The following EPB41 variants were observed in gnomAD, a reference collection of about 807,000 sequenced individuals.
EPB41 encodes erythrocyte membrane protein band 4.1.
A neutral mutation model predicts 108.0 loss-of-function variants in EPB41; 65 were observed. The ratio of observed to expected loss-of-function variants is 0.60; its 90% confidence interval spans 0.49 to 0.74. EPB41 has a LOEUF of 0.74. EPB41 is among the 30% of genes least tolerant of loss of function. EPB41 has a pLI of 0.00. For synonymous variants in EPB41, 336 were observed against 358.9 expected (o/e 0.94, Z 0.72); for missense variants, 875 against 1,037.0 (o/e 0.84, Z 2.15).
At chr1:29,079,140 C>T (rs967170431) in intron 16 of EPB41, among the ~76,000 whole-genome samples, 6 of 151,782 alleles carry the variant, frequency 4.0e-5, no homozygotes, top group African/African-American at 9.7e-5. Flanking sequence ...GTATTACAGG[C>T]GCCTGCCACC....
At position 28,947,408 on chromosome 1, in the gene EPB41, GACAAACAAACAAACAA is replaced by G. The variant is rs61120635; in HGVS notation, c.-8+32667_-8+32682del. Among the ~76,000 whole-genome samples, 1,235 of 149,736 alleles carry G rather than the reference GACAAACAAACAAACAA, an allele frequency of 8.2e-3. 10 individuals are homozygous for G. Among genetic ancestry groups the G allele is most frequent in the Middle Eastern group, 0.017 (5 of 290 alleles). The stretch of plus-strand genomic sequence containing the variant: ...GGCGACGGAGCGAGACTCCGTCTCA[GACAAACAAACAAACAA>G]ACAAACAAACAAACAAACAAACAAA... On this transcript the variant is annotated intron_variant, in intron 1 of 20. Coordinates refer to ENST00000343067, the MANE Select transcript of EPB41 (RefSeq NM_001376013.1).
In EPB41 at chr1:28,887,303, C is replaced by G. The variant is rs1056538787; in HGVS notation, c.-8+93C>G. ...CTACCCCCAAGGGCTCGGACCGTCC[C>G]GGGAGAGGCGAGACCAGGGTCGAAG... On this transcript the variant is annotated intron_variant, in intron 1 of 16. Transcript: ENST00000347529. The surrounding 1 kb of genome is among the most constrained non-coding windows in gnomAD (Gnocchi z 4.9). 1 of 1,214,890 alleles carries G rather than the reference C, an allele frequency of 8.2e-7. No individual in the cohort carries two copies. The highest frequency in any genetic ancestry group is 1.0e-6 in the Non-Finnish European group (1 of 953,250). 75.3% of individuals were successfully genotyped at this position (1,214,890 alleles called of 1,614,324 possible). A position where few individuals can be genotyped will look rare whatever the true frequency, so the allele number is the denominator to read the frequency against.
chr1:29,076,911 A>G (rs897715844), intron 16 of EPB41, among the ~76,000 whole-genome samples: 1 of 152,202 alleles, frequency 6.6e-6, no homozygotes, highest in African/African-American at 2.4e-5. Context: ...TGTCTCTAAA[A>G]AAATTTTAAA....
chr1:28,949,658 C>T (rs1242785672), intron 1 of EPB41, among the ~76,000 whole-genome samples: 1 of 151,036 alleles, frequency 6.6e-6, no homozygotes, highest in East Asian at 1.9e-4. Flanking sequence ...GGCTAGAGTG[C>T]AGTGGTGCAA....
intron 16 of EPB41, among the ~76,000 whole-genome samples, chr1:29,067,327 C>T (rs1039721258): frequency 4.6e-5 from 7 of 151,744 alleles, no homozygotes; most frequent in African/African-American, 9.7e-5. Flanking sequence ...GAAACCCCGT[C>T]TCTACTAAAA....
chr1:29,032,097 TAAAAAAAAA>T (rs76135314), intron 8 of EPB41, among the ~76,000 whole-genome samples: 1 of 128,056 alleles, frequency 7.8e-6, no homozygotes, highest in Non-Finnish European at 1.7e-5. Context: ...GACTCTGTCT[TAAAAAAAAA>T]AAAAAAAAAG....
intron 1 of EPB41, among the ~76,000 whole-genome samples, chr1:28,924,964 C>CATTTTTTT (rs1553168191): frequency 7.8e-6 from 1 of 128,334 alleles, no homozygotes. Flanking sequence ...GCCTGGCTAA[C>CATTTTTTT]TTTTTTTTTT....
intron 1 of EPB41, among the ~76,000 whole-genome samples, chr1:28,923,958 A>T (rs150083): frequency 0.17 from 26,032 of 152,066 alleles, 2,763 homozygotes; most frequent in East Asian, 0.47. Flanking sequence ...TGAATAGAAT[A>T]CAGCAAAAGT....
chr1:29,035,954 A>AT, intron 10 of EPB41, 31 bp downstream of exon 10: 1 of 1,509,646 alleles, frequency 6.6e-7, no homozygotes, highest in Non-Finnish European at 9.2e-7. Context: ...TTTTTCAAGG[A>AT]TAAATTATTT....
intron 17 of EPB41, among the ~76,000 whole-genome samples, chr1:29,105,352 C>T (rs1250142479): frequency 1.3e-5 from 2 of 152,300 alleles, no homozygotes; most frequent in South Asian, 2.1e-4. Flanking sequence ...ATTCTCCTGC[C>T]TCAGCCTCCT....
intron 4 of EPB41, among the ~76,000 whole-genome samples, chr1:29,000,832 T>G (rs867698380): frequency 6.7e-6 from 1 of 149,568 alleles, no homozygotes; most frequent in African/African-American, 2.5e-5. Flanking sequence ...AGAGTGTTGT[T>G]TTTTTTTTTT....
At chr1:29,103,504 G>A (rs937815034) in intron 17 of EPB41, among the ~76,000 whole-genome samples, 10 of 152,212 alleles carry the variant, frequency 6.6e-5, no homozygotes, top group Middle Eastern at 3.4e-3. Context: ...GAAAAATACT[G>A]TGATCAAGTT....
intron 3 of EPB41, 45 bp downstream of exon 3, chr1:28,993,587 T>C: frequency 6.3e-7 from 1 of 1,578,392 alleles, no homozygotes; most frequent in Non-Finnish European, 8.7e-7. Context: ...TTACAGGTGG[T>C]TTCATCTAGA....
intron 1 of EPB41, among the ~76,000 whole-genome samples, chr1:28,931,372 TA>T (rs533690754): frequency 0.17 from 16,392 of 98,758 alleles, 1,404 homozygotes; most frequent in African/African-American, 0.32. Context: ...ACTCTGTCAT[TA>T]AAAAAAAAAA....
intron 4 of EPB41, among the ~76,000 whole-genome samples, chr1:29,005,281 GTGAGAACTCTTATCA>G (rs1235822774): frequency 1.3e-5 from 2 of 151,974 alleles, no homozygotes; most frequent in African/African-American, 4.8e-5. Context: ...ACCAGATCTT[GTGAGAACTCTTATCA>G]TGAGAACAAC....
intron 1 of EPB41, among the ~76,000 whole-genome samples, chr1:28,892,093 C>CAAAAAAAAAAA (rs748788169): frequency 1.6e-4 from 11 of 69,794 alleles, no homozygotes; most frequent in Non-Finnish European, 2.3e-4. Flanking sequence ...GACTGCATCT[C>CAAAAAAAAAAA]AAAAAAAAAA....
intron 10 of EPB41, among the ~76,000 whole-genome samples, chr1:29,037,430 C>T (rs1268194087): frequency 2.0e-5 from 3 of 152,056 alleles, no homozygotes; most frequent in Non-Finnish European, 4.4e-5. Flanking sequence ...TTTCTATGTG[C>T]TTACCCTTCT....
At chr1:28,924,663 A>G (rs1296196408) in intron 1 of EPB41, among the ~76,000 whole-genome samples, 1 of 152,242 alleles carries the variant, frequency 6.6e-6, no homozygotes, top group Non-Finnish European at 1.5e-5. Flanking sequence ...AATTTATTGT[A>G]AAGTAATAGA....
At chr1:28,982,618 GCA>G in intron 1 of EPB41, 2 of 1,284,284 alleles carry the variant, frequency 1.6e-6, no homozygotes, top group Non-Finnish European at 2.3e-6. Context: ...CATTTCGGCA[GCA>G]ACCACTCGGG....
Sources: allele counts gnomAD v4.1 joint callset (sites outside exome capture counted in the v4.1 genomes callset), GRCh38; gene constraint gnomAD v4.1.1; non-coding constraint Gnocchi (gnomAD v3.1); transcripts MANE v1.5; gene names NCBI Gene and HGNC (gene_info 2026-07-23, HGNC 2026-07-21).